The following TAFA2 variants were observed in gnomAD, a reference collection of about 807,000 sequenced individuals.
TAFA2 encodes chemokine-like protein TAFA-2.
In TAFA2, 7 loss-of-function variants were observed where a neutral mutation model predicts 18.8. The ratio of observed to expected loss-of-function variants is 0.37; its 90% confidence interval spans 0.21 to 0.70. The LOEUF (loss-of-function observed/expected upper bound fraction) is 0.70. Among genes scored for constraint, TAFA2 ranks in the 30% least tolerant of loss-of-function variants. The pLI is 0.53. For synonymous variants in TAFA2, 60 were observed against 54.2 expected (o/e 1.11, Z -0.47); for missense variants, 122 against 158.1 (o/e 0.77, Z 1.23).
At chr12:61,983,130 T>C (rs1234952382) in intron 1 of TAFA2, among the ~76,000 whole-genome samples, 1 of 152,166 alleles carries the variant, frequency 6.6e-6, no homozygotes, top group Non-Finnish European at 1.5e-5. Flanking sequence ...ATTTGGAAGC[T>C]AAAAAGCTAT....
intron 4 of TAFA2, among the ~76,000 whole-genome samples, chr12:61,733,285 C>T (rs1868253188): frequency 6.6e-6 from 1 of 151,970 alleles, no homozygotes; most frequent in South Asian, 2.1e-4. Context: ...AATTAGATCC[C>T]ATTTGTCAAT....
chr12:61,892,766 G>A (rs1191615316), intron 1 of TAFA2, among the ~76,000 whole-genome samples: 1 of 152,162 alleles, frequency 6.6e-6, no homozygotes, highest in Non-Finnish European at 1.5e-5. Context: ...TTGAACCCAG[G>A]CAGCAGAGGT....
At chr12:61,839,991 A>C (rs984786600) in intron 2 of TAFA2, among the ~76,000 whole-genome samples, 24 of 152,124 alleles carry the variant, frequency 1.6e-4, no homozygotes, top group Non-Finnish European at 1.2e-4. Flanking sequence ...GGAGCCTCAT[A>C]TGCAAAGATC....
At chr12:62,094,702 A>G (rs1357833837) in intron 1 of TAFA2, among the ~76,000 whole-genome samples, 2 of 151,972 alleles carry the variant, frequency 1.3e-5, no homozygotes, top group Admixed American at 1.3e-4. Context: ...TTCCATCTTT[A>G]TAAGAAACTT....
intron 4 of TAFA2, among the ~76,000 whole-genome samples, chr12:61,715,265 G>A (rs1032411175): frequency 2.0e-5 from 3 of 152,132 alleles, no homozygotes; most frequent in Admixed American, 6.6e-5. Flanking sequence ...AATAATAAAA[G>A]TCACATATTA....
At chr12:62,218,438 T>A (rs190989719) in intron 1 of TAFA2, among the ~76,000 whole-genome samples, 11 of 152,260 alleles carry the variant, frequency 7.2e-5, no homozygotes, top group Admixed American at 6.5e-4. Flanking sequence ...TAGGCTCACA[T>A]CCCTAGTTAT....
At chr12:61,970,825 G>A (rs1335869781) in intron 1 of TAFA2, among the ~76,000 whole-genome samples, 8 of 146,800 alleles carry the variant, frequency 5.4e-5, no homozygotes, top group South Asian at 2.1e-4. Flanking sequence ...AGAAAAATTC[G>A]AAAAGCATTT....
chr12:61,731,105 G>T (rs781338311), intron 4 of TAFA2, among the ~76,000 whole-genome samples: 2 of 151,958 alleles, frequency 1.3e-5, no homozygotes, highest in Non-Finnish European at 2.9e-5. Context: ...GTACCTCCAG[G>T]GTTCTTCCCA....
upstream of TAFA2, among the ~76,000 whole-genome samples, chr12:62,193,237 CAGAAAA>C (rs1484402858): frequency 6.6e-6 from 1 of 152,068 alleles, no homozygotes; most frequent in African/African-American, 2.4e-5. Context: ...AGAATGAATT[CAGAAAA>C]AGAAAATCTG....
chr12:61,895,864 A>T (rs1010091116), intron 1 of TAFA2, among the ~76,000 whole-genome samples: 1 of 152,114 alleles, frequency 6.6e-6, no homozygotes, highest in Non-Finnish European at 1.5e-5. Context: ...TATAACCAGT[A>T]ATCTAGTATC....
intron 1 of TAFA2, chr12:62,140,253 T>C (rs2062228444): frequency 6.6e-6 from 1 of 152,204 alleles, no homozygotes; most frequent in Admixed American, 6.5e-5. Context: ...GAGGGAGTGC[T>C]GGCAAGAATT....
chr12:61,970,571 C>T (rs1206793484), intron 1 of TAFA2, among the ~76,000 whole-genome samples: 1 of 150,824 alleles, frequency 6.6e-6, no homozygotes, highest in Non-Finnish European at 1.5e-5. Flanking sequence ...CACATCAAAC[C>T]CCAATTTGGA....
intron 1 of TAFA2, among the ~76,000 whole-genome samples, chr12:61,947,293 T>C (rs1878306289): frequency 7.6e-6 from 1 of 132,058 alleles, no homozygotes; most frequent in Admixed American, 8.2e-5. Flanking sequence ...AATATCACAC[T>C]CTGGGGACTG....
chr12:61,964,165 GCAAAGACTTCATGACTAAAA>G (rs1289150189), intron 1 of TAFA2, among the ~76,000 whole-genome samples: 1 of 151,964 alleles, frequency 6.6e-6, no homozygotes, highest in Admixed American at 6.6e-5. Flanking sequence ...ATAGGCATGG[GCAAAGACTTCATGACTAAAA>G]CAACAAAAGC....
At chr12:61,927,066 T>C (rs1424435426) in intron 1 of TAFA2, among the ~76,000 whole-genome samples, 3 of 85,942 alleles carry the variant, frequency 3.5e-5, no homozygotes, top group Non-Finnish European at 6.0e-5. Flanking sequence ...AGAGTGAGAC[T>C]CTGAAAAAAA....
upstream of TAFA2, among the ~76,000 whole-genome samples, chr12:62,193,356 C>T (rs1176287908): frequency 6.6e-6 from 1 of 152,176 alleles, no homozygotes; most frequent in African/African-American, 2.4e-5. Context: ...ACCTCTTTTT[C>T]AACTAGACCA....
intron 1 of TAFA2, among the ~76,000 whole-genome samples, chr12:61,953,541 T>C (rs1186192630): frequency 6.6e-6 from 1 of 152,094 alleles, no homozygotes; most frequent in East Asian, 1.9e-4. Flanking sequence ...TTCTTAAAGT[T>C]TGCATTATCA....
intron 1 of TAFA2, among the ~76,000 whole-genome samples, chr12:62,052,676 G>C (rs74545235): frequency 6.6e-6 from 1 of 152,094 alleles, no homozygotes; most frequent in East Asian, 1.9e-4. Flanking sequence ...CCATTAGAAT[G>C]ATGAAAGCTG....
At position 61,835,824 on chromosome 12, in the gene TAFA2, G is replaced by T. The variant is rs886693383; in HGVS notation, c.106+31496C>A. 5.3e-5 allele frequency among the ~76,000 whole-genome samples: 8 copies of T among 151,710 alleles called. No individual in the cohort carries two copies. The East Asian group carries it at 1.5e-3, about 29-fold the overall frequency. ...TCCTTCCTTCATTCAATAAATATTT[G>T]TTTCGTACCTATTTTGTGTTAGACT... On this transcript the variant is annotated intron_variant, in intron 2 of 4. Transcript: ENST00000416284.
Sources: gnomAD v4.1 joint callset for allele counts (sites outside exome capture counted in the v4.1 genomes callset) on GRCh38, gnomAD v4.1.1 for gene constraint, MANE v1.5 for transcripts, NCBI Gene and HGNC (gene_info 2026-07-23, HGNC 2026-07-21) for gene names.